NTRK2: variants seen among roughly 807,000 people sequenced by gnomAD.
NTRK2 encodes the protein BDNF/NT-3 growth factors receptor.
NTRK2 carries 13 observed loss-of-function variants against 94.5 expected under a neutral mutation model. That is an observed-to-expected ratio of 0.14 (90% CI 0.09 to 0.22). The LOEUF (loss-of-function observed/expected upper bound fraction) is 0.22. Ranked by LOEUF, NTRK2 falls within the 10% of genes least tolerant of loss-of-function variation. The pLI is 1.00. For synonymous variants in NTRK2, 372 were observed against 407.4 expected (o/e 0.91, Z 1.05); for missense variants, 639 against 1,071.2 (o/e 0.60, Z 5.63).
intron 11 of NTRK2, among the ~76,000 whole-genome samples, chr9:84,747,893 C>T (rs577562738): frequency 2.9e-4 from 44 of 152,164 alleles, no homozygotes; most frequent in African/African-American, 7.7e-4. Flanking sequence ...TATGACTTTG[C>T]GGAAGGCTCC....
intron 9 of NTRK2, among the ~76,000 whole-genome samples, chr9:84,734,814 T>C (rs1564153233): frequency 6.6e-6 from 1 of 152,180 alleles, no homozygotes; most frequent in Non-Finnish European, 1.5e-5. Context: ...AATTACCCAG[T>C]CCTGCGTATG....
intron 12 of NTRK2, among the ~76,000 whole-genome samples, chr9:84,836,408 G>T (rs978302922): frequency 6.6e-6 from 1 of 151,728 alleles, no homozygotes; most frequent in Non-Finnish European, 1.5e-5. Flanking sequence ...CTCCTGAGTT[G>T]AATTAAATGG....
intron 2 of NTRK2, among the ~76,000 whole-genome samples, chr9:84,697,962 CTTTCT>C (rs1481693287): frequency 2.0e-5 from 3 of 152,076 alleles, no homozygotes; most frequent in Non-Finnish European, 2.9e-5. Context: ...CTTGCTGTCT[CTTTCT>C]TTTCTTTTTT....
intron 12 of NTRK2, among the ~76,000 whole-genome samples, chr9:84,803,478 C>G (rs2070738453): frequency 6.6e-6 from 1 of 152,118 alleles, no homozygotes; most frequent in African/African-American, 2.4e-5. Flanking sequence ...GAGCAGTGGG[C>G]TGTTAATGTC....
intron 13 of NTRK2, 94 bp from the exon 14 acceptor site, chr9:84,867,149 T>A: frequency 8.4e-7 from 1 of 1,197,184 alleles, no homozygotes; most frequent in South Asian, 1.3e-5. Context: ...ACCCACTGAA[T>A]TGTATACTTT....
At chr9:84,749,928 C>T (rs897391792) in intron 11 of NTRK2, among the ~76,000 whole-genome samples, 1 of 152,200 alleles carries the variant, frequency 6.6e-6, no homozygotes, top group Non-Finnish European at 1.5e-5. Context: ...CTTAAAACAA[C>T]AAAGTTTTCT....
At chr9:84,888,649 A>G (rs890038356) in intron 14 of NTRK2, among the ~76,000 whole-genome samples, 1 of 141,090 alleles carries the variant, frequency 7.1e-6, no homozygotes, top group African/African-American at 2.6e-5. Flanking sequence ...AAAAAAAAAA[A>G]GTGGCAGAGA....
chr9:84,680,904 C>T (rs1352124636), intron 2 of NTRK2, among the ~76,000 whole-genome samples: 1 of 152,152 alleles, frequency 6.6e-6, no homozygotes, highest in East Asian at 1.9e-4. Flanking sequence ...CTTCTTGAAA[C>T]ATCCTTTTCC....
At chr9:84,811,588 C>T (rs200815517) in intron 12 of NTRK2, 2 of 1,065,274 alleles carry the variant, frequency 1.9e-6, no homozygotes, top group East Asian at 1.0e-4. Flanking sequence ...GAATGGCTGG[C>T]CTGCTGTGAG....
intron 2 of NTRK2, among the ~76,000 whole-genome samples, chr9:84,685,989 A>G (rs1040821592): frequency 6.6e-6 from 1 of 152,364 alleles, no homozygotes; most frequent in Admixed American, 6.5e-5. Flanking sequence ...TGTGTTACAC[A>G]AATACACACG....
intron 12 of NTRK2, among the ~76,000 whole-genome samples, chr9:84,775,882 G>C (rs2066982189): frequency 6.6e-6 from 1 of 152,134 alleles, no homozygotes; most frequent in African/African-American, 2.4e-5. Flanking sequence ...GAAATTCTCA[G>C]GTGATTTATA....
intron 2 of NTRK2, among the ~76,000 whole-genome samples, chr9:84,677,749 C>T (rs1297279371): frequency 6.6e-6 from 1 of 152,142 alleles, no homozygotes; most frequent in African/African-American, 2.4e-5. Flanking sequence ...GATTTGAATT[C>T]ATGTTCACAG....
At chr9:84,856,317 C>A (rs1161205154) in intron 12 of NTRK2, among the ~76,000 whole-genome samples, 3 of 152,112 alleles carry the variant, frequency 2.0e-5, no homozygotes, top group Non-Finnish European at 4.4e-5. Flanking sequence ...AGGATATGTC[C>A]TTAAGTAAAA....
At chr9:84,799,378 C>A (rs1377337932) in intron 12 of NTRK2, among the ~76,000 whole-genome samples, 1 of 152,082 alleles carries the variant, frequency 6.6e-6, no homozygotes, top group East Asian at 1.9e-4. Context: ...TCTTTCTTTG[C>A]CAATGCCATT....
chr9:84,705,233 G>A (rs555923925), intron 4 of NTRK2, among the ~76,000 whole-genome samples: 67 of 152,084 alleles, frequency 4.4e-4, no homozygotes, highest in Middle Eastern at 3.4e-3. Flanking sequence ...ATCACATGGG[G>A]ACTGCCCAGA....
chr9:84,799,768 T>C (rs552140865), intron 12 of NTRK2, among the ~76,000 whole-genome samples: 1 of 152,100 alleles, frequency 6.6e-6, no homozygotes, highest in South Asian at 2.1e-4. Flanking sequence ...AATCTAACAG[T>C]TCAGTTGGGG....
intron 12 of NTRK2, among the ~76,000 whole-genome samples, chr9:84,768,391 C>T (rs927739676): frequency 6.6e-6 from 1 of 152,126 alleles, no homozygotes; most frequent in African/African-American, 2.4e-5. Flanking sequence ...GACACTCAGT[C>T]ATTCCTAGGC....
chr9:84,727,560 G>A lies in NTRK2; in HGVS notation c.854-94G>A, dbSNP rs918050552. 11 of 1,241,958 alleles carry A rather than the reference G, an allele frequency of 8.9e-6. No individual in the cohort carries two copies. In the African/African-American group the frequency reaches 1.3e-4, roughly 15 times the overall value. 76.9% of individuals were successfully genotyped at this position (1,241,958 alleles called of 1,614,324 possible). A position where few individuals can be genotyped will look rare whatever the true frequency, so the allele number is the denominator to read the frequency against. On this transcript the variant is annotated intron_variant, in intron 8 of 18. Transcript: ENST00000277120. ...ATGTGTTTTTCTAAGCCAAACAATG[G>A]TTGAGTAAAATTCCCTATCAATGAC...
chr9:84,800,081 G>C (rs540170322), intron 12 of NTRK2, among the ~76,000 whole-genome samples: 1 of 152,308 alleles, frequency 6.6e-6, no homozygotes, highest in Admixed American at 6.5e-5. Flanking sequence ...ATGGAAACAG[G>C]CACTGTCTCA....
Sources: gnomAD v4.1 joint callset for allele counts (sites outside exome capture counted in the v4.1 genomes callset) on GRCh38, gnomAD v4.1.1 for gene constraint, MANE v1.5 for transcripts, NCBI Gene and HGNC (gene_info 2026-07-23, HGNC 2026-07-21) for gene names.